The following NDST4 variants were observed in gnomAD, a reference collection of about 807,000 sequenced individuals.
NDST4 encodes N-deacetylase and N-sulfotransferase 4.
NDST4 carries 63 observed loss-of-function variants against 100.8 expected under a neutral mutation model. The ratio of observed to expected loss-of-function variants is 0.62; its 90% confidence interval spans 0.51 to 0.77. The LOEUF (loss-of-function observed/expected upper bound fraction) is 0.77. Among genes scored for constraint, NDST4 ranks in the 30% least tolerant of loss-of-function variants. NDST4 has a pLI of 0.00. For synonymous variants in NDST4, 377 were observed against 361.8 expected (o/e 1.04, Z -0.48); for missense variants, 943 against 1,018.4 (o/e 0.93, Z 1.01).
chr4:115,018,998 T>C (rs891720409), intron 2 of NDST4, among the ~76,000 whole-genome samples: 1 of 152,164 alleles, frequency 6.6e-6, no homozygotes, highest in African/African-American at 2.4e-5. Flanking sequence ...CCACTACTTC[T>C]TTATAGCTCT....
chr4:114,918,237 G>A (rs534903541), intron 6 of NDST4, among the ~76,000 whole-genome samples: 181 of 152,030 alleles, frequency 1.2e-3, no homozygotes, highest in African/African-American at 4.2e-3. Context: ...ATGGCTAACT[G>A]GGAAGCTCAA....
At chr4:115,078,802 T>G (rs11938912) in intron 1 of NDST4, among the ~76,000 whole-genome samples, 4,047 of 152,106 alleles carry the variant, frequency 0.027, 185 homozygotes, top group African/African-American at 0.093. Context: ...ATTGTGCCAC[T>G]GCACTCCAGC....
chr4:114,901,388 T>C (rs1318709396), intron 6 of NDST4, among the ~76,000 whole-genome samples: 5 of 152,110 alleles, frequency 3.3e-5, no homozygotes, highest in Non-Finnish European at 5.9e-5. Context: ...ATGCCCCTTG[T>C]AATCCCTGAA....
chr4:115,073,693 A>G (rs990965646), intron 2 of NDST4, among the ~76,000 whole-genome samples: 1 of 151,958 alleles, frequency 6.6e-6, no homozygotes, highest in Non-Finnish European at 1.5e-5. Context: ...TAAAGTACAC[A>G]AAATTTCATT....
At chr4:114,940,236 G>A (rs918611336) in intron 4 of NDST4, among the ~76,000 whole-genome samples, 2 of 152,156 alleles carry the variant, frequency 1.3e-5, no homozygotes, top group African/African-American at 4.8e-5. Context: ...AATATTCAGA[G>A]GGGTTTGACT....
chr4:115,071,268 G>A (rs1405890437), intron 2 of NDST4, among the ~76,000 whole-genome samples: 2 of 144,478 alleles, frequency 1.4e-5, no homozygotes, highest in African/African-American at 5.3e-5. Flanking sequence ...TCAAATGAAA[G>A]TATGCCTTCA....
intron 8 of NDST4, among the ~76,000 whole-genome samples, chr4:114,849,142 A>G (rs1454030455): frequency 1.3e-5 from 2 of 152,264 alleles, no homozygotes; most frequent in African/African-American, 2.4e-5. Flanking sequence ...TAGATAGAGC[A>G]GACTGGCTGA....
chr4:115,069,070 G>T (rs1325504813), intron 2 of NDST4, among the ~76,000 whole-genome samples: 2 of 152,052 alleles, frequency 1.3e-5, no homozygotes, highest in African/African-American at 4.8e-5. Flanking sequence ...AGGGACTCAA[G>T]TTAAAAAGAA....
chr4:114,997,600 T>C (rs550238756), intron 2 of NDST4, among the ~76,000 whole-genome samples: 1 of 152,184 alleles, frequency 6.6e-6, no homozygotes, highest in South Asian at 2.1e-4. Context: ...TTCAGTCTTG[T>C]ATTGTTTTTG....
rs138833656 is a variant in NDST4 at position 114,991,014 on chromosome 4, A to T, written c.979-13740T>A. Among the ~76,000 whole-genome samples, 1,194 of 152,122 alleles carry T rather than the reference A, an allele frequency of 7.8e-3. 24 individuals carry two copies. The highest frequency in any genetic ancestry group is 0.027 in the African/African-American group (1,109 of 41,526). On this transcript the variant is annotated intron_variant, in intron 2 of 13. Coordinates refer to ENST00000264363, the MANE Select transcript of NDST4 (RefSeq NM_022569.3). ...TTTGCTGTCTTCTGAGAGGAAGACA[A>T]CAAATTTTCCTTTTAATTAAAGGTC...
chr4:114,934,755 C>T (rs1375975940), intron 6 of NDST4, among the ~76,000 whole-genome samples: 1 of 151,404 alleles, frequency 6.6e-6, no homozygotes, highest in Non-Finnish European at 1.5e-5. Context: ...TTTAAATGTT[C>T]TTGTTACAAA....
chr4:114,888,244 A>T (rs534927820), intron 6 of NDST4, among the ~76,000 whole-genome samples: 1 of 151,246 alleles, frequency 6.6e-6, no homozygotes. Context: ...AAATATATAT[A>T]TATATTTATT....
intron 1 of NDST4, among the ~76,000 whole-genome samples, chr4:115,108,469 C>A (rs908400227): frequency 2.6e-5 from 4 of 151,736 alleles, no homozygotes; most frequent in African/African-American, 9.7e-5. Flanking sequence ...GGCAGTTGGC[C>A]TTTGGGTTGC....
At chr4:115,001,005 C>T (rs958301304) in intron 2 of NDST4, among the ~76,000 whole-genome samples, 12 of 152,008 alleles carry the variant, frequency 7.9e-5, no homozygotes, top group African/African-American at 2.7e-4. Context: ...TGCACTAATC[C>T]CATTCATGAG....
intron 6 of NDST4, among the ~76,000 whole-genome samples, chr4:114,901,797 C>T (rs1008490970): frequency 6.6e-6 from 1 of 151,242 alleles, no homozygotes; most frequent in African/African-American, 2.4e-5. Context: ...TTTTCCTCCC[C>T]CTTCCACTCC....
At position 114,919,711 on chromosome 4, in the gene NDST4, G is replaced by A. The variant is rs78566249; in HGVS notation, c.1536+15495C>T. 7.2e-3 allele frequency among the ~76,000 whole-genome samples: 1,097 copies of A among 152,264 alleles called. 15 individuals carry two copies. Among genetic ancestry groups the A allele is most frequent in the African/African-American group, 0.025 (1,047 of 41,554 alleles). On this transcript the variant is annotated intron_variant, in intron 6 of 13. Coordinates refer to ENST00000264363, the MANE Select transcript of NDST4 (RefSeq NM_022569.3). ...ATTGGAGGACATTAAGAATGGCTGTGGCATGCTCTATTTTACGTTTAACAA... is the reference window on the plus strand; with the variant it reads ...ATTGGAGGACATTAAGAATGGCTGTAGCATGCTCTATTTTACGTTTAACAA...
At position 115,076,364 on chromosome 4, in the gene NDST4, A is replaced by G; in HGVS notation, c.673T>C (p.Tyr225His). The G allele has an allele frequency of 6.2e-7, 1 of 1,613,996 alleles. No individual in the cohort carries two copies. The highest frequency in any genetic ancestry group is 1.1e-5 in the South Asian group (1 of 91,086). Residue 225 changes from tyrosine (Y) to histidine (H), a missense_variant, in exon 2 of 14, where the codon TAT becomes CAT. By Grantham distance (83) the Tyr-to-His change is moderately conservative. Coordinates refer to ENST00000264363, the MANE Select transcript of NDST4 (RefSeq NM_022569.3). The part of the protein sequence containing the change: ...LPGEDWTIFQ[Y>H]NHSTYQPVLL... ...ACAGGCTGGTAGGTTGAATGATTAT[A>G]TTGGAAAATAGTCCAGTCTTCCCCA...
chr4:114,958,300 C>G (rs1726183980), intron 4 of NDST4, among the ~76,000 whole-genome samples: 1 of 152,220 alleles, frequency 6.6e-6, no homozygotes, highest in African/African-American at 2.4e-5. Context: ...TTCCACAGAT[C>G]TCTAGGGCAG....
intron 6 of NDST4, among the ~76,000 whole-genome samples, chr4:114,901,831 TTTC>T (rs1360392844): frequency 3.3e-5 from 5 of 151,956 alleles, no homozygotes; most frequent in South Asian, 2.1e-4. Flanking sequence ...TTCTTCCTTT[TTTC>T]TTCTTCTTCA....
Sources: allele counts gnomAD v4.1 joint callset (sites outside exome capture counted in the v4.1 genomes callset), GRCh38; gene constraint gnomAD v4.1.1; transcripts MANE v1.5; gene names NCBI Gene and HGNC (gene_info 2026-07-23, HGNC 2026-07-21).